TRIP6: variants seen among roughly 807,000 people sequenced by gnomAD.
TRIP6 encodes thyroid hormone receptor interactor 6.
Under a neutral mutation model 51.9 loss-of-function variants are expected in TRIP6, and 33 were observed. The observed-to-expected ratio is 0.64, with a 90% CI of 0.48 to 0.85. The LOEUF is 0.85. TRIP6 is among the 40% of genes least tolerant of loss of function. TRIP6 has a pLI of 0.00. For missense variants in TRIP6, 661 were observed against 652.1 expected, an observed-to-expected ratio of 1.01 and a Z score of -0.15; for synonymous variants, 255 against 275.8, an observed-to-expected ratio of 0.92 and a Z score of 0.75.
chr7:100,870,425 T>A lies in TRIP6; in HGVS notation c.791T>A (p.Val264Asp). The A allele has an allele frequency of 1.2e-6, 2 of 1,613,258 alleles. No individual in the cohort carries two copies. Among genetic ancestry groups the A allele is most frequent in the Non-Finnish European group, 1.7e-6 (2 of 1,180,000 alleles). ...DELDRLTKKL[V>D]HDMNHPPSGE... is the part of the protein sequence containing the mutation. ...CTGGATAGGCTGACGAAGAAGCTGGTTCACGACATGAACCACCCGCCCAGC... is the reference window on the plus strand; with the variant it reads ...CTGGATAGGCTGACGAAGAAGCTGGATCACGACATGAACCACCCGCCCAGC... The change falls in exon 5 of 9, where the codon GTT becomes GAT. Residue 264 changes from valine to aspartate, a missense_variant. Transcript: ENST00000200457.
At chr7:100,873,137 T>A in intron 8 of TRIP6, 35 bp from the exon 9 acceptor site, 3 of 1,594,726 alleles carry the variant, frequency 1.9e-6, no homozygotes, top group Non-Finnish European at 8.6e-7. Flanking sequence ...GCGTGAGCCA[T>A]CGCGCCCGGC....
In TRIP6 at chr7:100,867,621, G is replaced by A. The variant is rs1488629958; in HGVS notation, c.109+15G>A. On this transcript the variant is annotated intron_variant, in intron 1 of 8. Coordinates refer to ENST00000200457, the MANE Select transcript of TRIP6 (RefSeq NM_003302.3). The surrounding 1 kb of genome is among the most constrained non-coding windows in gnomAD (Gnocchi z 5.4). Reference sequence around the variant, plus strand: ...CCACGGAGCAGGTAAGGCAGCCCTTGTGAGACAGAAGAGCCACCCAGCTGT... The same window carrying A: ...CCACGGAGCAGGTAAGGCAGCCCTTATGAGACAGAAGAGCCACCCAGCTGT... 3.2e-6 allele frequency: 5 copies of A among 1,545,188 alleles called. No homozygotes were observed. Among genetic ancestry groups the A allele is most frequent in the Non-Finnish European group, 4.3e-6 (5 of 1,149,578 alleles).
intron 3 of TRIP6, 36 bp from the exon 4 acceptor site, chr7:100,868,459 C>T: frequency 1.2e-6 from 2 of 1,612,856 alleles, no homozygotes; most frequent in Non-Finnish European, 8.5e-7. Flanking sequence ...GGAGTGGGGT[C>T]CTTGCTTACG....
chr7:100,868,857 C>A lies in TRIP6; in HGVS notation c.726C>A (p.His242Gln). The A allele has an allele frequency of 6.6e-7, 1 of 1,511,890 alleles. No individual in the cohort carries two copies. Among genetic ancestry groups the A allele is most frequent in the Non-Finnish European group, 8.8e-7 (1 of 1,135,912 alleles). The allele number at this position is 1,511,890 out of a possible 1,614,324, so 93.7% of individuals were successfully genotyped here. A position where few individuals can be genotyped will look rare whatever the true frequency, so the allele number is the denominator to read the frequency against. ...GPAGRGRGGE[H>Q]GPQVPLSQPP... ...CAGGAAGAGGAAGAGGAGGCGAGCA[C>A]GGGCCCCAGGTGAGCCCTGGGGAAC... The change falls in exon 4 of 9, where the codon CAC (histidine) becomes CAA (glutamine). Residue 242 changes from histidine (H) to glutamine (Q), a missense_variant. Physicochemically the swap from His to Gln is conservative, Grantham distance 24. Coordinates refer to ENST00000200457, the MANE Select transcript of TRIP6 (RefSeq NM_003302.3).
In TRIP6 at chr7:100,872,181, G is replaced by GTTT. The variant is rs34239953; in HGVS notation, c.1179-422_1179-420dup. The stretch of plus-strand genomic sequence containing the variant: ...GGGCGCATGCCACCACGCCTGGCTA[G>GTTT]TTTTTTTTTTTTTTTTTTTTTTTGT... On this transcript the variant is annotated intron_variant, in intron 7 of 8. Transcript: ENST00000200457. Among the ~76,000 whole-genome samples, 83 of 95,576 alleles carry GTTT rather than the reference G, an allele frequency of 8.7e-4. 1 individual carries two copies. The highest frequency in any genetic ancestry group is 1.9e-3 in the East Asian group (6 of 3,120). 62.7% of individuals were successfully genotyped at this position (95,576 alleles called of 152,430 possible). A position where few individuals can be genotyped will look rare whatever the true frequency, so the allele number is the denominator to read the frequency against.
At chr7:100,870,272 T>C (rs891569109) in intron 4 of TRIP6, 98 bp from the exon 5 acceptor site, 43 of 1,213,600 alleles carry the variant, frequency 3.5e-5, no homozygotes, top group Non-Finnish European at 4.9e-5. Flanking sequence ...TCCTGCTGTG[T>C]GGCCCAGTTC....
Position 100,873,353 on chromosome 7 carries a change from G to A in TRIP6, c.*50G>A. 1 of 1,564,012 alleles carries A rather than the reference G, an allele frequency of 6.4e-7. No homozygotes were observed. Among genetic ancestry groups the A allele is most frequent in the Non-Finnish European group, 8.7e-7 (1 of 1,149,006 alleles). ...TTCTCAGTTCCAGTTCCCATCCTTT[G>A]ATTGATCACTCTCCCTGACATCCAC... is the stretch of plus-strand genomic sequence containing the variant. On this transcript the variant is annotated 3_prime_UTR_variant, in exon 9 of 9. Coordinates refer to ENST00000200457, the MANE Select transcript of TRIP6 (RefSeq NM_003302.3).
chr7:100,867,817 T>C lies in TRIP6; in HGVS notation c.110-44T>C, dbSNP rs149676605. On this transcript the variant is annotated intron_variant, in intron 1 of 8. Transcript: ENST00000200457. This position sits in a 1 kb window ranked among gnomAD's most constrained non-coding sequence, Gnocchi z 5.4. ...TGGCTCCTCAAATATACACCCCTCCTGTCCTCCGCCACCCCACCTTTGATT... is the reference window on the plus strand; with the variant it reads ...TGGCTCCTCAAATATACACCCCTCCCGTCCTCCGCCACCCCACCTTTGATT... 0.056 allele frequency: 86,093 copies of C among 1,530,792 alleles called. 2,763 individuals carry two copies. Among genetic ancestry groups the C allele is most frequent in the Non-Finnish European group, 0.064 (73,952 of 1,147,316 alleles). The allele number at this position is 1,530,792 out of a possible 1,614,324, so 94.8% of individuals were successfully genotyped here. A position where few individuals can be genotyped will look rare whatever the true frequency, so the allele number is the denominator to read the frequency against.
At chr7:100,872,581 A>T in intron 7 of TRIP6, 43 bp from the exon 8 acceptor site, 2 of 1,610,878 alleles carry the variant, frequency 1.2e-6, no homozygotes, top group Non-Finnish European at 1.7e-6. Context: ...GGTGCCCTGC[A>T]ACCCCAAGGC....
intron 8 of TRIP6, 188 bp downstream of exon 8, chr7:100,872,932 C>T (rs1815303669): frequency 9.0e-7 from 1 of 1,107,804 alleles, no homozygotes; most frequent in Admixed American, 3.0e-5. Flanking sequence ...CTCACTGCAA[C>T]CTCCACCTCC....
In TRIP6 at chr7:100,870,423, G is replaced by A; in HGVS notation, c.789G>A (p.Leu263=). The change falls in exon 5 of 9, where the codon CTG becomes CTA. Residue 263 remains leucine, a synonymous_variant. Coordinates refer to ENST00000200457, the MANE Select transcript of TRIP6 (RefSeq NM_003302.3). The part of the protein sequence containing the change: ...EDELDRLTKK[L]VHDMNHPPSG... ...AGCTGGATAGGCTGACGAAGAAGCT[G>A]GTTCACGACATGAACCACCCGCCCA... 5.0e-6 allele frequency: 8 copies of A among 1,613,248 alleles called. No homozygotes were observed. The highest frequency in any genetic ancestry group is 1.3e-5 in the African/African-American group (1 of 75,026).
intron 4 of TRIP6, among the ~76,000 whole-genome samples, chr7:100,870,058 G>A (rs757330615): frequency 6.6e-6 from 1 of 152,160 alleles, no homozygotes; most frequent in Non-Finnish European, 1.5e-5. Context: ...GGTGATGGGA[G>A]ACAGTGACAG....
intron 4 of TRIP6, among the ~76,000 whole-genome samples, chr7:100,870,166 G>A (rs1036191218): frequency 1.3e-5 from 2 of 152,178 alleles, no homozygotes; most frequent in African/African-American, 4.8e-5. Context: ...ATCTAACGCC[G>A]CTGCTGATCT....
At chr7:100,872,855 T>C (rs1815302032) in intron 8 of TRIP6, 111 bp downstream of exon 8, 4 of 1,163,122 alleles carry the variant, frequency 3.4e-6, no homozygotes, top group African/African-American at 1.6e-5. Context: ...CTTCTTTCTT[T>C]TTTTTTTTTT....
rs763389821 is a variant in TRIP6 at position 100,868,835 on chromosome 7, G to C, written c.704G>C (p.Gly235Ala). 2.0e-6 allele frequency: 3 copies of C among 1,515,864 alleles called. No homozygotes were observed. The highest frequency in any genetic ancestry group is 2.6e-6 in the Non-Finnish European group (3 of 1,137,706). 93.9% of individuals were successfully genotyped at this position (1,515,864 alleles called of 1,614,324 possible). The part of the protein sequence containing the change: ...EEAAGVSGPA[G>A]RGRGGEHGPQ... Reference sequence around the variant, plus strand: ...GCTGCTGGGGTCTCTGGCCCTGCAGGAAGAGGAAGAGGAGGCGAGCACGGG... The same window carrying C: ...GCTGCTGGGGTCTCTGGCCCTGCAGCAAGAGGAAGAGGAGGCGAGCACGGG... Residue 235 changes from glycine to alanine, a missense_variant, in exon 4 of 9, where the codon GGA becomes GCA. Physicochemically the swap from Gly to Ala is moderately conservative, Grantham distance 60. Coordinates refer to ENST00000200457, the MANE Select transcript of TRIP6 (RefSeq NM_003302.3).
Position 100,867,844 on chromosome 7 carries a change from C to A in TRIP6, c.110-17C>A, listed in dbSNP as rs554985108. The A allele has an allele frequency of 8.4e-5, 129 of 1,539,300 alleles. No individual in the cohort carries two copies. The South Asian group carries it at 9.6e-4, about 11-fold the overall frequency. ...TCCTCCGCCACCCCACCTTTGATTT[C>A]TCTTCCCTCAACCCAGCACTCCAGC... On this transcript the variant is annotated splice_polypyrimidine_tract_variant and intron_variant, in intron 1 of 8. Transcript: ENST00000200457. This position sits in a 1 kb window ranked among gnomAD's most constrained non-coding sequence, Gnocchi z 5.4.
At chr7:100,869,582 A>C (rs1419662888) in intron 4 of TRIP6, among the ~76,000 whole-genome samples, 1 of 145,256 alleles carries the variant, frequency 6.9e-6, no homozygotes, top group Non-Finnish European at 1.5e-5. Flanking sequence ...CGGTGAGCCG[A>C]GATCGCACCA....
In TRIP6 at chr7:100,868,858, G is replaced by C. The variant is rs1048492635; in HGVS notation, c.727G>C (p.Gly243Arg). Residue 243 changes from glycine to arginine, a missense_variant, in exon 4 of 9, where the codon GGG becomes CGG. Coordinates refer to ENST00000200457, the MANE Select transcript of TRIP6 (RefSeq NM_003302.3). The part of the protein sequence containing the change: ...PAGRGRGGEH[G>R]PQVPLSQPPE... ...AGGAAGAGGAAGAGGAGGCGAGCAC[G>C]GGCCCCAGGTGAGCCCTGGGGAACT... 3 of 1,509,126 alleles carry C rather than the reference G, an allele frequency of 2.0e-6. No individual in the cohort carries two copies. The highest frequency in any genetic ancestry group is 2.4e-5 in the Admixed American group (1 of 42,000). 93.5% of individuals were successfully genotyped at this position (1,509,126 alleles called of 1,614,324 possible).
At chr7:100,871,356 T>C (rs182369595) in intron 6 of TRIP6, among the ~76,000 whole-genome samples, 187 bp from the exon 7 acceptor site, 3 of 152,296 alleles carry the variant, frequency 2.0e-5, no homozygotes, top group East Asian at 1.9e-4. Flanking sequence ...TTTCTCATAG[T>C]GTTTAAATAC....
Sources: gnomAD v4.1 joint callset for allele counts (sites outside exome capture counted in the v4.1 genomes callset) on GRCh38, gnomAD v4.1.1 for gene constraint, Gnocchi (gnomAD v3.1) non-coding constraint, MANE v1.5 for transcripts, NCBI Gene and HGNC (gene_info 2026-07-23, HGNC 2026-07-21) for gene names.